Variants in ATRNL1 observed in about 807,000 individuals in gnomAD.
ATRNL1 encodes the protein attractin-like protein 1.
ATRNL1 carries 95 observed loss-of-function variants against 182.7 expected under a neutral mutation model. The observed-to-expected ratio is 0.52, with a 90% confidence interval of 0.44 to 0.62. ATRNL1 has a LOEUF of 0.62. ATRNL1 is among the 20% of genes least tolerant of loss of function. The probability of loss-of-function intolerance (pLI) is 0.00; values close to 1 mark genes in which losing one functional copy is unlikely to be tolerated. For missense variants in ATRNL1, 1,471 were observed against 1,679.5 expected (o/e 0.88, Z 2.17); for synonymous variants, 576 against 568.3 (o/e 1.01, Z -0.19).
At chr10:115,705,647 T>G (rs1555052836) in intron 26 of ATRNL1, among the ~76,000 whole-genome samples, 2 of 151,914 alleles carry the variant, frequency 1.3e-5, no homozygotes, top group South Asian at 4.1e-4. Flanking sequence ...TACTGTAAGA[T>G]TACTGCACTA....
intron 19 of ATRNL1, among the ~76,000 whole-genome samples, chr10:115,369,648 A>G (rs1857282033): frequency 6.6e-6 from 1 of 152,276 alleles, no homozygotes; most frequent in South Asian, 2.1e-4. Flanking sequence ...AGTAAACTGC[A>G]TACTACATTC....
intron 26 of ATRNL1, among the ~76,000 whole-genome samples, chr10:115,557,328 A>G (rs553449868): frequency 6.6e-6 from 1 of 152,150 alleles, no homozygotes; most frequent in Middle Eastern, 3.4e-3. Flanking sequence ...GGCATTTGAA[A>G]CCCTGAGCCT....
At chr10:115,221,090 C>A (rs1849445705) in intron 9 of ATRNL1, among the ~76,000 whole-genome samples, 1 of 152,188 alleles carries the variant, frequency 6.6e-6, no homozygotes, top group South Asian at 2.1e-4. Flanking sequence ...GTGCAGTTTA[C>A]AATAGGGTTT....
intron 26 of ATRNL1, among the ~76,000 whole-genome samples, chr10:115,593,200 A>T (rs1856018798): frequency 6.6e-6 from 1 of 152,190 alleles, no homozygotes. Context: ...CATGGCAACT[A>T]GCCCACTCCC....
intron 20 of ATRNL1, among the ~76,000 whole-genome samples, chr10:115,408,907 C>G (rs1016328184): frequency 2.0e-5 from 3 of 152,036 alleles, no homozygotes; most frequent in Non-Finnish European, 4.4e-5. Flanking sequence ...TCTGTGTTCT[C>G]CATTATGTTT....
intron 25 of ATRNL1, among the ~76,000 whole-genome samples, chr10:115,520,148 A>G (rs1293785468): frequency 6.6e-6 from 1 of 152,152 alleles, no homozygotes; most frequent in Non-Finnish European, 1.5e-5. Context: ...ATGGCACACA[A>G]ATTTGGAAAT....
chr10:115,779,508 G>T (rs542570092), intron 27 of ATRNL1, among the ~76,000 whole-genome samples: 2 of 152,280 alleles, frequency 1.3e-5, no homozygotes, highest in Admixed American at 1.3e-4. Context: ...TACTCAATGT[G>T]CACAATCAAG....
chr10:115,129,495 G>C lies in ATRNL1; in HGVS notation c.789G>C (p.Leu263=). 6.2e-7 allele frequency: 1 copy of C among 1,614,118 alleles called. No individual in the cohort carries two copies. The highest frequency in any genetic ancestry group is 8.5e-7 in the Non-Finnish European group (1 of 1,180,014). ...GTCCAGATCACGGTTACTGTGACCT[G>C]ACTGGAGAAAAATTATGTGTCTGCA... ...CGSPDHGYCD[L]TGEKLCVCND... Residue 263 remains leucine, a synonymous_variant, in exon 5 of 29, where the codon CTG becomes CTC. Transcript: ENST00000355044.
intron 26 of ATRNL1, among the ~76,000 whole-genome samples, chr10:115,594,836 C>T (rs548596198): frequency 2.0e-4 from 30 of 152,286 alleles, no homozygotes; most frequent in African/African-American, 7.0e-4. Flanking sequence ...TTCTCTAGGT[C>T]TCTAAAGAGA....
chr10:115,793,148 T>C (rs567716449), intron 27 of ATRNL1, among the ~76,000 whole-genome samples: 1 of 152,054 alleles, frequency 6.6e-6, no homozygotes, highest in Non-Finnish European at 1.5e-5. Context: ...GAAAAGAAAG[T>C]CTTGTTGCAA....
At chr10:115,239,537 G>A (rs933710719) in intron 9 of ATRNL1, among the ~76,000 whole-genome samples, 1 of 152,010 alleles carries the variant, frequency 6.6e-6, no homozygotes, top group Non-Finnish European at 1.5e-5. Context: ...GGCCGGGGCT[G>A]TATTTTTTCT....
Position 115,428,940 on chromosome 10 carries a change from TA to T in ATRNL1, c.3322+2640del, listed in dbSNP as rs1846026333. ...GCCAAATGGTTTTCCAGAATGTTGG[TA>T]ACATTTTTTAATTTATTCTAGAAAA... On this transcript the variant is annotated intron_variant, in intron 21 of 28. Transcript: ENST00000355044. Among the ~76,000 whole-genome samples, 3 of 152,284 alleles carry T rather than the reference TA, an allele frequency of 2.0e-5. No individual in the cohort carries two copies. The South Asian group carries it at 6.2e-4, about 32-fold the overall frequency.
chr10:115,267,629 TATTA>T (rs202171841), intron 12 of ATRNL1, among the ~76,000 whole-genome samples: 1,786 of 152,272 alleles, frequency 0.012, 34 homozygotes, highest in African/African-American at 0.04. Context: ...TACTAATCTA[TATTA>T]ATTCAGATGT....
chr10:115,906,348 C>A (rs915765330), intron 28 of ATRNL1, among the ~76,000 whole-genome samples: 1 of 152,056 alleles, frequency 6.6e-6, no homozygotes, highest in African/African-American at 2.4e-5. Flanking sequence ...TCTGCCTTAA[C>A]ATATTTTAGA....
At chr10:115,227,682 G>A (rs531497239) in intron 9 of ATRNL1, among the ~76,000 whole-genome samples, 9 of 152,254 alleles carry the variant, frequency 5.9e-5, no homozygotes, top group African/African-American at 2.2e-4. Flanking sequence ...CCCATCAATG[G>A]TAGATTAGAT....
intron 25 of ATRNL1, among the ~76,000 whole-genome samples, chr10:115,524,519 C>T (rs1457153159): frequency 2.6e-5 from 4 of 152,242 alleles, no homozygotes; most frequent in Non-Finnish European, 2.9e-5. Flanking sequence ...AGACTACTAT[C>T]CCTGTGTTAG....
At chr10:115,784,378 A>G (rs900427927) in intron 27 of ATRNL1, among the ~76,000 whole-genome samples, 2 of 152,234 alleles carry the variant, frequency 1.3e-5, no homozygotes, top group Non-Finnish European at 2.9e-5. Flanking sequence ...TTCCCATGAT[A>G]TAGGTATGCC....
chr10:115,739,310 CAAGT>C lies in ATRNL1; in HGVS notation c.3903+11959_3903+11962del, dbSNP rs111815847. ...AAACTATTTTTATACAGCATCCTTGCAAGTAAGAAATGGCTATGTAAAGTAAGAC... is the reference window on the plus strand; with the variant it reads ...AAACTATTTTTATACAGCATCCTTGCAAGAAATGGCTATGTAAAGTAAGAC... On this transcript the variant is annotated intron_variant, in intron 27 of 28. Coordinates refer to ENST00000355044, the MANE Select transcript of ATRNL1 (RefSeq NM_207303.4). Among the ~76,000 whole-genome samples, 1,336 of 152,258 alleles carry C rather than the reference CAAGT, an allele frequency of 8.8e-3. 29 individuals carry two copies. Among genetic ancestry groups the C allele is most frequent in the South Asian group, 0.047 (225 of 4,830 alleles).
intron 15 of ATRNL1, among the ~76,000 whole-genome samples, chr10:115,297,877 A>G (rs1388770337): frequency 6.6e-6 from 1 of 152,116 alleles, no homozygotes; most frequent in African/African-American, 2.4e-5. Context: ...GCATATTTCA[A>G]GATTGTTATG....
Sources: gnomAD v4.1 joint callset for allele counts (sites outside exome capture counted in the v4.1 genomes callset) on GRCh38, gnomAD v4.1.1 for gene constraint, MANE v1.5 for transcripts, NCBI Gene and HGNC (gene_info 2026-07-23, HGNC 2026-07-21) for gene names.